The following YWHAE variants were observed in gnomAD, a reference collection of about 807,000 sequenced individuals.
YWHAE encodes 14-3-3 protein epsilon.
In YWHAE, 4 loss-of-function variants were observed where a neutral mutation model predicts 30.1. That is an observed-to-expected ratio of 0.13 (90% CI 0.07 to 0.30). YWHAE has a LOEUF of 0.30. Ranked by LOEUF, YWHAE falls within the 10% of genes least tolerant of loss-of-function variation. The probability of loss-of-function intolerance (pLI) is 1.00; values close to 1 mark genes in which losing one functional copy is unlikely to be tolerated. For missense variants in YWHAE, 121 were observed against 315.9 expected (o/e 0.38, Z 4.68); for synonymous variants, 118 against 111.8 (o/e 1.06, Z -0.35).
chr17:1,399,646 TC>T, intron 1 of YWHAE: 1 of 285,662 alleles, frequency 3.5e-6, no homozygotes, highest in Non-Finnish European at 6.7e-6. Flanking sequence ...GGGTGCTGCT[TC>T]CCCCGTCACC....
chr17:1,391,290 T>C (rs934826389), intron 1 of YWHAE, among the ~76,000 whole-genome samples: 1 of 149,768 alleles, frequency 6.7e-6, no homozygotes, highest in Non-Finnish European at 1.5e-5. Flanking sequence ...TAACTTCATT[T>C]GAAAAAAAAA....
chr17:1,377,776 C>G (rs1056631567), intron 1 of YWHAE, among the ~76,000 whole-genome samples: 2 of 152,172 alleles, frequency 1.3e-5, no homozygotes, highest in South Asian at 4.1e-4. Context: ...TGGCTGGAAG[C>G]AGTGGCTCAT....
intron 1 of YWHAE, among the ~76,000 whole-genome samples, chr17:1,389,458 T>C (rs1245481269): frequency 6.6e-6 from 1 of 152,160 alleles, no homozygotes; most frequent in African/African-American, 2.4e-5. Context: ...AAATTGGTCA[T>C]AGCTAACACC....
intron 5 of YWHAE, among the ~76,000 whole-genome samples, chr17:1,346,847 C>T (rs940682648): frequency 1.3e-5 from 2 of 151,154 alleles, no homozygotes; most frequent in African/African-American, 4.9e-5. Context: ...AAAAATTAGC[C>T]TGGCGTGGTG....
chr17:1,381,878 A>G (rs921927458), intron 1 of YWHAE, among the ~76,000 whole-genome samples: 2 of 139,666 alleles, frequency 1.4e-5, no homozygotes, highest in East Asian at 4.2e-4. Flanking sequence ...GGCCCACTGT[A>G]CTCCAGCCTG....
intron 4 of YWHAE, among the ~76,000 whole-genome samples, chr17:1,359,696 G>A (rs1034762469): frequency 4.6e-5 from 7 of 151,714 alleles, no homozygotes; most frequent in Admixed American, 3.3e-4. Flanking sequence ...AGGGAGAGGG[G>A]AAATGAAGTT....
chr17:1,375,510 G>A (rs1037695971), intron 1 of YWHAE, among the ~76,000 whole-genome samples: 1 of 152,146 alleles, frequency 6.6e-6, no homozygotes, highest in Non-Finnish European at 1.5e-5. Flanking sequence ...AAACTGAAAT[G>A]GTTGAAATCA....
At chr17:1,353,911 T>C (rs529517763) in intron 5 of YWHAE, among the ~76,000 whole-genome samples, 3 of 152,318 alleles carry the variant, frequency 2.0e-5, no homozygotes, top group Admixed American at 6.5e-5. Context: ...TGGATTTAAA[T>C]ACACTTAACT....
At chr17:1,367,802 AAACT>A (rs1262546352) in intron 1 of YWHAE, among the ~76,000 whole-genome samples, 1 of 152,200 alleles carries the variant, frequency 6.6e-6, no homozygotes, top group Non-Finnish European at 1.5e-5. Context: ...CAAAAAACAC[AAACT>A]AAAAAGACAG....
chr17:1,353,437 CAAAAAAAAAA>C, intron 5 of YWHAE, among the ~76,000 whole-genome samples: 1 of 87,876 alleles, frequency 1.1e-5, no homozygotes, highest in Middle Eastern at 5.6e-3. Flanking sequence ...GACTCCATCT[CAAAAAAAAAA>C]AAAGAAAAGA....
intron 3 of YWHAE, 88 bp downstream of exon 3, chr17:1,361,814 A>T: frequency 1.3e-6 from 1 of 761,984 alleles, no homozygotes; most frequent in South Asian, 2.6e-5. Flanking sequence ...ATTCTTAAAT[A>T]AAAGTTGAAA....
At chr17:1,381,637 C>A (rs745725143) in intron 1 of YWHAE, among the ~76,000 whole-genome samples, 1 of 151,680 alleles carries the variant, frequency 6.6e-6, no homozygotes, top group Non-Finnish European at 1.5e-5. Context: ...TGAGGAAGGC[C>A]GAGCGCAAAG....
chr17:1,398,775 A>G (rs183688658), intron 1 of YWHAE: 219 of 152,342 alleles, frequency 1.4e-3, no homozygotes, highest in African/African-American at 5.0e-3. Flanking sequence ...CTTCCTGACA[A>G]TGACTGGACA....
chr17:1,351,419 A>G (rs2072629845), intron 5 of YWHAE, among the ~76,000 whole-genome samples: 1 of 151,838 alleles, frequency 6.6e-6, no homozygotes, highest in Non-Finnish European at 1.5e-5. Context: ...AAAACTTTCA[A>G]GTCAGGTCAC....
intron 1 of YWHAE, among the ~76,000 whole-genome samples, chr17:1,393,629 C>T (rs1011186823): frequency 3.3e-5 from 5 of 152,190 alleles, no homozygotes; most frequent in Non-Finnish European, 7.3e-5. Context: ...CTGGTTTTCA[C>T]CATGTTGGTC....
At chr17:1,384,896 G>A (rs567022963) in intron 1 of YWHAE, among the ~76,000 whole-genome samples, 20 of 151,926 alleles carry the variant, frequency 1.3e-4, no homozygotes, top group Non-Finnish European at 2.2e-4. Flanking sequence ...ATTTTTAGTA[G>A]AGACGGGTTT....
intron 1 of YWHAE, among the ~76,000 whole-genome samples, chr17:1,374,492 T>C (rs2150862786): frequency 6.6e-6 from 1 of 152,326 alleles, no homozygotes; most frequent in East Asian, 1.9e-4. Context: ...GGTAACTAGC[T>C]TTTTGAGGAA....
chr17:1,385,363 G>A (rs1196007134), intron 1 of YWHAE, among the ~76,000 whole-genome samples: 1 of 152,062 alleles, frequency 6.6e-6, no homozygotes, highest in African/African-American at 2.4e-5. Flanking sequence ...CAGTCCCCCA[G>A]GCCTCCCAAC....
At chr17:1,354,578 A>T (rs906411411) in intron 4 of YWHAE, among the ~76,000 whole-genome samples, 1 of 152,190 alleles carries the variant, frequency 6.6e-6, no homozygotes, top group African/African-American at 2.4e-5. Flanking sequence ...TCGACTAATA[A>T]AATACATAGA....
Sources: allele counts gnomAD v4.1 joint callset (sites outside exome capture counted in the v4.1 genomes callset), GRCh38; gene constraint gnomAD v4.1.1; transcripts MANE v1.5; gene names NCBI Gene and HGNC (gene_info 2026-07-23, HGNC 2026-07-21).